Variants in PICALM observed in about 807,000 individuals in gnomAD.
The protein encoded by PICALM is phosphatidylinositol-binding clathrin assembly protein.
Under a neutral mutation model 80.5 loss-of-function variants are expected in PICALM, and 40 were observed. That is an observed-to-expected ratio of 0.50 (90% CI 0.39 to 0.65). PICALM has a LOEUF of 0.65. Ranked by LOEUF, PICALM falls within the 30% of genes least tolerant of loss-of-function variation. The probability of loss-of-function intolerance (pLI) is 0.00; values close to 1 mark genes in which losing one functional copy is unlikely to be tolerated. For synonymous variants in PICALM, 288 were observed against 260.3 expected, an observed-to-expected ratio of 1.11 and a Z score of -1.02; for missense variants, 676 against 778.9, an observed-to-expected ratio of 0.87 and a Z score of 1.57.
intron 19 of PICALM, among the ~76,000 whole-genome samples, chr11:85,968,293 A>AAAAACAAAAC (rs57192979): frequency 0.71 from 107,374 of 151,236 alleles, 38,586 homozygotes; most frequent in African/African-American, 0.84. Flanking sequence ...CCTGTCTCAA[A>AAAAACAAAAC]AAAACAAAAC....
intron 1 of PICALM, among the ~76,000 whole-genome samples, chr11:86,052,694 T>C (rs190687404): frequency 6.6e-6 from 1 of 152,322 alleles, no homozygotes; most frequent in East Asian, 1.9e-4. Flanking sequence ...ACAGATAAAG[T>C]GTAATTTTGA....
Position 86,003,460 on chromosome 11 carries a change from G to A in PICALM, c.808-9C>T, listed in dbSNP as rs376091475. On this transcript the variant is annotated splice_polypyrimidine_tract_variant and intron_variant, in intron 8 of 19. Transcript: ENST00000393346. Reference sequence around the variant, plus strand: ...AGAAGACTGCTAGGGGCCTGCAATTGTACAAATATTAAGAATTTCATGATA... The same window carrying A: ...AGAAGACTGCTAGGGGCCTGCAATTATACAAATATTAAGAATTTCATGATA... 8.5e-5 allele frequency: 129 copies of A among 1,526,016 alleles called. No homozygotes were observed. The highest frequency in any genetic ancestry group is 1.0e-4 in the Non-Finnish European group (116 of 1,118,116). The allele number at this position is 1,526,016 out of a possible 1,614,324, so 94.5% of individuals were successfully genotyped here. A position where few individuals can be genotyped will look rare whatever the true frequency, so the allele number is the denominator to read the frequency against.
intron 18 of PICALM, among the ~76,000 whole-genome samples, chr11:85,976,272 A>G (rs1238362599): frequency 6.6e-6 from 1 of 152,218 alleles, no homozygotes; most frequent in African/African-American, 2.4e-5. Flanking sequence ...TTCAAGTGTT[A>G]ATCCCTCCCA....
chr11:86,017,581 T>C (rs1356846878), intron 4 of PICALM, among the ~76,000 whole-genome samples: 1 of 152,240 alleles, frequency 6.6e-6, no homozygotes, highest in Non-Finnish European at 1.5e-5. Flanking sequence ...AGGAAAGTAC[T>C]AATTAACATC....
At chr11:86,020,096 T>C (rs765484896) in intron 4 of PICALM, among the ~76,000 whole-genome samples, 4 of 152,168 alleles carry the variant, frequency 2.6e-5, no homozygotes, top group South Asian at 4.1e-4. Flanking sequence ...ACTGACTATA[T>C]CATTCATGTG....
chr11:85,985,172 C>G (rs187294796), intron 13 of PICALM, among the ~76,000 whole-genome samples: 24 of 152,258 alleles, frequency 1.6e-4, no homozygotes, highest in Admixed American at 1.4e-3. Context: ...AGGTCAGAAT[C>G]TCACTTTGAA....
intron 17 of PICALM, chr11:85,978,106 G>A (rs2094336039): frequency 6.2e-7 from 1 of 1,609,544 alleles, no homozygotes; most frequent in Admixed American, 1.7e-5. Context: ...GTTTTTCCCA[G>A]GGAGAACAAT....
chr11:86,068,092 G>A (rs568390240), intron 1 of PICALM, among the ~76,000 whole-genome samples: 2 of 152,348 alleles, frequency 1.3e-5, no homozygotes, highest in East Asian at 3.9e-4. Context: ...AGGAGGGAAG[G>A]TGGAACAGAA....
chr11:86,014,373 A>C (rs546413592), intron 5 of PICALM, among the ~76,000 whole-genome samples: 3 of 152,216 alleles, frequency 2.0e-5, no homozygotes, highest in Non-Finnish European at 4.4e-5. Flanking sequence ...TGAATGACAA[A>C]GCTGGCAGCT....
chr11:86,014,818 A>G lies in PICALM; in HGVS notation c.546+52T>C. The G allele has an allele frequency of 3.9e-6, 4 of 1,033,518 alleles. No individual in the cohort carries two copies. In the South Asian group the frequency reaches 6.1e-5, roughly 16 times the overall value. 64.0% of individuals were successfully genotyped at this position (1,033,518 alleles called of 1,614,324 possible). A position where few individuals can be genotyped will look rare whatever the true frequency, so the allele number is the denominator to read the frequency against. On this transcript the variant is annotated intron_variant, in intron 5 of 19. Coordinates refer to ENST00000393346, the MANE Select transcript of PICALM (RefSeq NM_007166.4). ...AAACTTGAGGTTAAAAATTCTCATG[A>G]ATTATAATGACCTAATTTTTTAAAA...
intron 19 of PICALM, among the ~76,000 whole-genome samples, chr11:85,973,766 G>GAATA (rs2094185565): frequency 6.6e-6 from 1 of 152,100 alleles, no homozygotes; most frequent in Non-Finnish European, 1.5e-5. Flanking sequence ...AGTGAAAGGG[G>GAATA]AATAACAAGT....
At chr11:85,982,127 T>G (rs1222713582) in intron 14 of PICALM, 124 bp from the exon 15 acceptor site, 1 of 775,426 alleles carries the variant, frequency 1.3e-6, no homozygotes, top group African/African-American at 1.8e-5. Context: ...AAAATAGACA[T>G]TAGTAAATGT....
At position 85,982,423 on chromosome 11, in the gene PICALM, C is replaced by CTTTTTTTTTTTTTTTTTTTTT. The variant is rs59672357; in HGVS notation, c.1517-421_1517-420insAAAAAAAAAAAAAAAAAAAAA. 1.4e-4 allele frequency among the ~76,000 whole-genome samples: 10 copies of CTTTTTTTTTTTTTTTTTTTTT among 70,168 alleles called. 1 individual carries two copies. Among genetic ancestry groups the CTTTTTTTTTTTTTTTTTTTTT allele is most frequent in the East Asian group, 3.6e-4 (1 of 2,806 alleles). The allele number at this position is 70,168 out of a possible 152,430, so 46.0% of individuals were successfully genotyped here. A position where few individuals can be genotyped will look rare whatever the true frequency, so the allele number is the denominator to read the frequency against. On this transcript the variant is annotated intron_variant, in intron 14 of 19. Transcript: ENST00000393346. The stretch of plus-strand genomic sequence containing the variant: ...ACGTTAAGAAATAAGATTTTATAGA[C>CTTTTTTTTTTTTTTTTTTTTT]TTTTTTTTTTTTTTTGAGACGGAGT...
chr11:85,982,818 G>A, intron 14 of PICALM, among the ~76,000 whole-genome samples: 1 of 152,184 alleles, frequency 6.6e-6, no homozygotes, highest in South Asian at 2.1e-4. Flanking sequence ...TCTAGTAAAT[G>A]AGAACAATTC....
intron 12 of PICALM, among the ~76,000 whole-genome samples, chr11:85,994,367 T>C (rs2094890261): frequency 6.6e-6 from 1 of 152,240 alleles, no homozygotes; most frequent in South Asian, 2.1e-4. Flanking sequence ...ATTTTCATTC[T>C]ACCAAAAGGT....
chr11:86,026,840 A>T (rs2095656291), intron 2 of PICALM, among the ~76,000 whole-genome samples: 1 of 152,238 alleles, frequency 6.6e-6, no homozygotes, highest in African/African-American at 2.4e-5. Context: ...GAATCAAAAC[A>T]TTATAGCCTC....
intron 1 of PICALM, among the ~76,000 whole-genome samples, chr11:86,049,712 C>T (rs1014132060): frequency 1.3e-5 from 2 of 151,542 alleles, no homozygotes; most frequent in South Asian, 4.2e-4. Context: ...GGGTTACAGG[C>T]GTGAGCCACC....
chr11:86,012,250 A>C, intron 6 of PICALM, 31 bp downstream of exon 6: 1 of 1,214,306 alleles, frequency 8.2e-7, no homozygotes. Flanking sequence ...ACACAAGATA[A>C]GAAATGTTAT....
At chr11:85,984,765 T>C (rs2094530622) in intron 13 of PICALM, among the ~76,000 whole-genome samples, 1 of 152,164 alleles carries the variant, frequency 6.6e-6, no homozygotes, top group African/African-American at 2.4e-5. Context: ...TAAGCTCACA[T>C]CTTTAAGATC....
Sources: allele counts gnomAD v4.1 joint callset (sites outside exome capture counted in the v4.1 genomes callset), GRCh38; gene constraint gnomAD v4.1.1; transcripts MANE v1.5; gene names NCBI Gene and HGNC (gene_info 2026-07-23, HGNC 2026-07-21).